The following CTNNA2 variants were observed in gnomAD, a reference collection of about 807,000 sequenced individuals.
The protein encoded by CTNNA2 is catenin alpha 2, also known as catenin alpha-2.
A neutral mutation model predicts 101.0 loss-of-function variants in CTNNA2; 42 were observed. The ratio of observed to expected loss-of-function variants is 0.42; its 90% CI spans 0.32 to 0.54. The LOEUF (loss-of-function observed/expected upper bound fraction) is 0.54, where lower values mean the gene tolerates loss of function less well. Ranked by LOEUF, CTNNA2 falls within the 20% of genes least tolerant of loss-of-function variation. The pLI is 0.14. For synonymous variants in CTNNA2, 450 were observed against 456.4 expected (o/e 0.99, Z 0.18); for missense variants, 871 against 1,223.1 (o/e 0.71, Z 4.29).
chr2:80,146,139 C>T (rs1310036255), intron 7 of CTNNA2, among the ~76,000 whole-genome samples: 3 of 152,192 alleles, frequency 2.0e-5, no homozygotes, highest in Non-Finnish European at 4.4e-5. Flanking sequence ...ATGGACAGCC[C>T]TAGCTGTCTC....
chr2:80,044,329 G>C (rs554818597), intron 7 of CTNNA2, among the ~76,000 whole-genome samples: 11 of 151,914 alleles, frequency 7.2e-5, no homozygotes, highest in Admixed American at 4.6e-4. Flanking sequence ...TGATGCAAAG[G>C]GTATCACTTT....
At chr2:79,348,681 A>T (rs1677317172) in intron 3 of CTNNA2, among the ~76,000 whole-genome samples, 1 of 152,228 alleles carries the variant, frequency 6.6e-6, no homozygotes, top group Admixed American at 6.5e-5. Context: ...TTCCCAAAAT[A>T]CTTTAATTAA....
intron 8 of CTNNA2, among the ~76,000 whole-genome samples, chr2:80,398,004 C>G (rs77901210): frequency 6.6e-6 from 1 of 152,032 alleles, no homozygotes; most frequent in South Asian, 2.1e-4. Flanking sequence ...ATTGGTGGCA[C>G]GAATGCACTG....
At chr2:79,591,927 G>A (rs989798312) in intron 1 of CTNNA2, among the ~76,000 whole-genome samples, 2 of 78,946 alleles carry the variant, frequency 2.5e-5, no homozygotes, top group African/African-American at 1.0e-4. Context: ...TTTTTTTTTT[G>A]AAATTGACTG....
intron 9 of CTNNA2, among the ~76,000 whole-genome samples, chr2:80,526,011 T>G (rs1020573891): frequency 6.6e-6 from 1 of 152,202 alleles, no homozygotes; most frequent in African/African-American, 2.4e-5. Flanking sequence ...AATACTCTCT[T>G]AGCTTCTGGT....
intron 4 of CTNNA2, among the ~76,000 whole-genome samples, chr2:79,407,620 G>C (rs539976783): frequency 6.6e-6 from 1 of 152,074 alleles, no homozygotes; most frequent in South Asian, 2.1e-4. Context: ...GGAGGAGGAG[G>C]AGGAGGGCAG....
chr2:80,384,295 C>T (rs1435202749), intron 7 of CTNNA2, among the ~76,000 whole-genome samples: 1 of 151,992 alleles, frequency 6.6e-6, no homozygotes, highest in Non-Finnish European at 1.5e-5. Context: ...GTTTGGCACA[C>T]TACCTGCATG....
rs913338361 is a variant in CTNNA2 at position 79,602,041 on chromosome 2, T to C, written c.-5-49511T>C. Among the ~76,000 whole-genome samples, 3 of 146,448 alleles carry C rather than the reference T, an allele frequency of 2.0e-5. No individual in the cohort carries two copies. The South Asian group carries it at 6.2e-4, about 30-fold the overall frequency. On this transcript the variant is annotated intron_variant, in intron 1 of 18. Transcript: ENST00000402739. ...TAATTTATTGAATATTGTACTGAAA[T>C]TGAAAAACAGTTCTGTGGGTATTTG...
intron 3 of CTNNA2, among the ~76,000 whole-genome samples, chr2:79,342,479 C>A (rs542431436): frequency 3.9e-5 from 6 of 152,286 alleles, no homozygotes; most frequent in African/African-American, 1.2e-4. Flanking sequence ...TGTAATATCT[C>A]TTCCACCTCT....
Position 79,305,373 on chromosome 2 carries a change from C to CATAT in CTNNA2, c.-405-7321_-405-7318dup, listed in dbSNP as rs56285145. Among the ~76,000 whole-genome samples, 1,244 of 138,230 alleles carry CATAT rather than the reference C, an allele frequency of 9.0e-3. 25 individuals are homozygous for CATAT. The highest frequency in any genetic ancestry group is 0.03 in the African/African-American group (1,136 of 38,456). The allele number at this position is 138,230 out of a possible 152,430, so 90.7% of individuals were successfully genotyped here. A position where few individuals can be genotyped will look rare whatever the true frequency, so the allele number is the denominator to read the frequency against. ...ATATACATATATACATATATATACA[C>CATAT]ATATATATATATATATATTTCTGCA... On this transcript the variant is annotated intron_variant, in intron 2 of 21. Transcript: ENST00000466387.
chr2:79,962,781 C>A (rs1048358521), intron 7 of CTNNA2, among the ~76,000 whole-genome samples: 7 of 152,086 alleles, frequency 4.6e-5, no homozygotes, highest in Non-Finnish European at 1.0e-4. Context: ...ATTAATGTTA[C>A]ACAAAATTGG....
chr2:79,477,134 C>A (rs1671058197), intron 4 of CTNNA2, among the ~76,000 whole-genome samples: 1 of 149,226 alleles, frequency 6.7e-6, no homozygotes, highest in East Asian at 2.0e-4. Context: ...TGCATCATTT[C>A]TTTTTCTTTT....
intron 3 of CTNNA2, among the ~76,000 whole-genome samples, chr2:79,341,248 T>C (rs1215595968): frequency 6.6e-6 from 1 of 152,190 alleles, no homozygotes; most frequent in African/African-American, 2.4e-5. Context: ...GACCTTAGCG[T>C]ACTTACAGTC....
intron 7 of CTNNA2, among the ~76,000 whole-genome samples, chr2:79,971,668 G>C (rs1302530049): frequency 6.6e-6 from 1 of 152,198 alleles, no homozygotes; most frequent in Non-Finnish European, 1.5e-5. Flanking sequence ...TGCATGAAGA[G>C]CTATGTTGTA....
chr2:79,633,942 T>C (rs568011726), intron 1 of CTNNA2: 1 of 152,280 alleles, frequency 6.6e-6, no homozygotes, highest in South Asian at 2.1e-4. Context: ...TAATCATAAA[T>C]AGTTAGTATA....
chr2:79,335,661 A>T (rs1246175730), intron 3 of CTNNA2, among the ~76,000 whole-genome samples: 2 of 152,234 alleles, frequency 1.3e-5, no homozygotes, highest in Non-Finnish European at 2.9e-5. Context: ...ACTCCAAAAT[A>T]GACTCTGACT....
chr2:79,856,495 G>C (rs1681144876), intron 3 of CTNNA2, among the ~76,000 whole-genome samples: 1 of 152,122 alleles, frequency 6.6e-6, no homozygotes, highest in Non-Finnish European at 1.5e-5. Flanking sequence ...GTTTGATCTT[G>C]AGTTAAAAAA....
At chr2:80,591,457 G>GTTTTTTTTTTTTTTGTTT (rs1696490644) in intron 15 of CTNNA2, among the ~76,000 whole-genome samples, 1 of 70,314 alleles carries the variant, frequency 1.4e-5, no homozygotes, top group East Asian at 5.1e-4. Context: ...TGCACAGCCT[G>GTTTTTTTTTTTTTTGTTT]TTTTTTTTTT....
rs576768374 is a variant in CTNNA2 at position 79,593,233 on chromosome 2, A to G, written c.-5-58319A>G. Reference sequence around the variant, plus strand: ...CTAATGAGTACTCATTGGCACTTCAATTCCATCATCAGCATGTTCAGCATA... The same window carrying G: ...CTAATGAGTACTCATTGGCACTTCAGTTCCATCATCAGCATGTTCAGCATA... On this transcript the variant is annotated intron_variant, in intron 1 of 18. Coordinates refer to ENST00000402739, the MANE Select transcript of CTNNA2 (RefSeq NM_001282597.3). Among the ~76,000 whole-genome samples the G allele has an allele frequency of 5.9e-5, 9 of 152,302 alleles. No homozygotes were observed. The East Asian group carries it at 1.5e-3, about 26-fold the overall frequency.
Sources: gnomAD v4.1 joint callset for allele counts (sites outside exome capture counted in the v4.1 genomes callset) on GRCh38, gnomAD v4.1.1 for gene constraint, MANE v1.5 for transcripts, NCBI Gene and HGNC (gene_info 2026-07-23, HGNC 2026-07-21) for gene names.